The following BRI3BP variants were observed in gnomAD, a reference collection of about 807,000 sequenced individuals.
The protein encoded by BRI3BP is BRI3-binding protein.
BRI3BP carries 7 observed loss-of-function variants against 15.8 expected under a neutral mutation model. That is an observed-to-expected ratio of 0.44 (90% CI 0.25 to 0.83). The LOEUF is 0.83. Among genes scored for constraint, BRI3BP ranks in the 40% least tolerant of loss-of-function variants. The pLI, the probability that BRI3BP is intolerant of heterozygous loss-of-function variation, is 0.20. For synonymous variants in BRI3BP, 192 were observed against 163.5 expected, an observed-to-expected ratio of 1.17 and a Z score of -1.33; for missense variants, 320 against 339.3, an observed-to-expected ratio of 0.94 and a Z score of 0.45.
chr12:125,017,347 GT>G (rs1387835975), intron 2 of BRI3BP, among the ~76,000 whole-genome samples: 7 of 151,548 alleles, frequency 4.6e-5, no homozygotes, highest in African/African-American at 1.7e-4. Context: ...TAGAGATGGG[GT>G]TTTGCCATGT....
chr12:125,018,783 G>A (rs1335346157), intron 2 of BRI3BP, among the ~76,000 whole-genome samples: 3 of 151,456 alleles, frequency 2.0e-5, no homozygotes, highest in Non-Finnish European at 2.9e-5. Flanking sequence ...GAGTTCAAGC[G>A]ATTCTAGTAC....
rs1245866817 is a variant in BRI3BP at position 125,001,656 on chromosome 12, G to A, written c.213+7653G>A. The stretch of plus-strand genomic sequence containing the variant: ...CTCCCAAAGTGCTGGGATTATAGGC[G>A]TGAGCCACTTCGCCTGGCCCAGTAA... On this transcript the variant is annotated intron_variant, in intron 1 of 2. Coordinates refer to ENST00000341446, the MANE Select transcript of BRI3BP (RefSeq NM_080626.6). 5.3e-5 allele frequency among the ~76,000 whole-genome samples: 8 copies of A among 152,094 alleles called. No individual in the cohort carries two copies. The East Asian group carries it at 5.8e-4, about 11-fold the overall frequency.
At chr12:125,018,590 C>T (rs1040633584) in intron 2 of BRI3BP, among the ~76,000 whole-genome samples, 3 of 152,048 alleles carry the variant, frequency 2.0e-5, no homozygotes, top group Admixed American at 6.6e-5. Context: ...GATTCACCCT[C>T]GAGCCTCTGG....
intron 1 of BRI3BP, among the ~76,000 whole-genome samples, chr12:125,011,348 C>T (rs1447423791): frequency 6.6e-6 from 1 of 152,158 alleles, no homozygotes; most frequent in African/African-American, 2.4e-5. Context: ...GGCCAGTAGA[C>T]CACTTGGTGG....
the BRI3BP span, among the ~76,000 whole-genome samples, chr12:125,041,931 C>G: frequency 2.0e-5 from 3 of 152,096 alleles, no homozygotes; most frequent in Admixed American, 6.6e-5. Flanking sequence ...TGGGCTAAAG[C>G]GATCCTCCTG....
chr12:125,045,869 A>T, the BRI3BP span, among the ~76,000 whole-genome samples: 1 of 152,162 alleles, frequency 6.6e-6, no homozygotes, highest in Non-Finnish European at 1.5e-5. Flanking sequence ...ACCATCATTA[A>T]AAAGAGCTGA....
At chr12:124,997,284 C>T (rs140804567) in intron 1 of BRI3BP, among the ~76,000 whole-genome samples, 76 of 127,520 alleles carry the variant, frequency 6.0e-4, no homozygotes, top group African/African-American at 2.2e-3. Context: ...GGCGAGCTCT[C>T]GGCTTACTGC....
In BRI3BP at chr12:125,000,119, G is replaced by C. The variant is rs71458883; in HGVS notation, c.213+6116G>C. 6.3e-5 allele frequency among the ~76,000 whole-genome samples: 7 copies of C among 110,414 alleles called. No homozygotes were observed. The Admixed American group carries it at 8.5e-4, about 13-fold the overall frequency. The allele number at this position is 110,414 out of a possible 152,430, so 72.4% of individuals were successfully genotyped here. A position where few individuals can be genotyped will look rare whatever the true frequency, so the allele number is the denominator to read the frequency against. ...GGTTTGCATTTTTTGCTGTTTGCAAGAAAGTATTTTGAGCAAAATAACTTT... is the reference window on the plus strand; with the variant it reads ...GGTTTGCATTTTTTGCTGTTTGCAACAAAGTATTTTGAGCAAAATAACTTT... On this transcript the variant is annotated intron_variant, in intron 1 of 2. Transcript: ENST00000341446.
Position 125,025,969 on chromosome 12 carries a change from G to A in BRI3BP, c.*539G>A, listed in dbSNP as rs895910224. 6.6e-6 allele frequency: 1 copy of A among 152,346 alleles called. No homozygotes were observed. Among genetic ancestry groups the A allele is most frequent in the African/African-American group, 2.4e-5 (1 of 41,434 alleles). 9.4% of individuals were successfully genotyped at this position (152,346 alleles called of 1,614,324 possible). On this transcript the variant is annotated 3_prime_UTR_variant, in exon 3 of 3. Transcript: ENST00000341446. ...TTATTTCATGTTATTTTTGGTGGAT[G>A]TTGACTTAGTTCATGAATGTTGTCA...
At chr12:125,007,027 T>C (rs1241423466) in intron 1 of BRI3BP, among the ~76,000 whole-genome samples, 1 of 152,070 alleles carries the variant, frequency 6.6e-6, no homozygotes, top group Non-Finnish European at 1.5e-5. Context: ...GACAAAACCC[T>C]GTCTCTACTA....
chr12:125,002,223 C>A (rs117518055), intron 1 of BRI3BP, among the ~76,000 whole-genome samples: 55 of 152,212 alleles, frequency 3.6e-4, no homozygotes, highest in Non-Finnish European at 6.9e-4. Flanking sequence ...GCGGTGCATA[C>A]CTAGGAGTCC....
At chr12:125,016,974 C>T (rs1304006430) in intron 2 of BRI3BP, among the ~76,000 whole-genome samples, 1 of 150,560 alleles carries the variant, frequency 6.6e-6, no homozygotes, top group African/African-American at 2.4e-5. Context: ...TAGCTGGGAC[C>T]ACAAGTGTGC....
At chr12:125,017,022 A>T (rs6488975) in intron 2 of BRI3BP, among the ~76,000 whole-genome samples, 121,850 of 145,920 alleles carry the variant, frequency 0.84, 50,776 homozygotes, top group East Asian at 0.97. Flanking sequence ...TATTATTATT[A>T]TTTTTTTTTT....
intron 1 of BRI3BP, among the ~76,000 whole-genome samples, chr12:125,005,146 C>G (rs1955130453): frequency 6.6e-6 from 1 of 152,078 alleles, no homozygotes. Context: ...CAGCGCCCAG[C>G]CGGTCAGGGA....
intron 1 of BRI3BP, among the ~76,000 whole-genome samples, chr12:125,012,120 G>T (rs2135993566): frequency 6.6e-6 from 1 of 152,088 alleles, no homozygotes; most frequent in South Asian, 2.1e-4. Context: ...GGAGTTTGAG[G>T]GTGCAGTGAG....
chr12:125,015,331 G>A (rs892488787), intron 2 of BRI3BP, among the ~76,000 whole-genome samples: 5 of 151,902 alleles, frequency 3.3e-5, no homozygotes, highest in African/African-American at 1.2e-4. Context: ...GGGAGAAGAC[G>A]GCCATGCGAA....
intron 1 of BRI3BP, among the ~76,000 whole-genome samples, chr12:125,006,730 A>G (rs1467226479): frequency 6.6e-6 from 1 of 152,226 alleles, no homozygotes; most frequent in Non-Finnish European, 1.5e-5. Flanking sequence ...TTTCTCCCAC[A>G]GCAGAGAAAA....
At position 125,011,896 on chromosome 12, in the gene BRI3BP, G is replaced by A. The variant is rs1376226471; in HGVS notation, c.214-638G>A. Among the ~76,000 whole-genome samples the A allele has an allele frequency of 2.6e-5, 4 of 152,138 alleles. No homozygotes were observed. In the East Asian group the frequency reaches 5.8e-4, roughly 22 times the overall value. ...GCAGAAACTTCCACTCTTTAAAAAT[G>A]AGAAACCCGCAGGGTGCGGTGCAGT... On this transcript the variant is annotated intron_variant, in intron 1 of 2. Coordinates refer to ENST00000341446, the MANE Select transcript of BRI3BP (RefSeq NM_080626.6).
chr12:125,000,910 A>T lies in BRI3BP; in HGVS notation c.213+6907A>T, dbSNP rs147423402. ...AATATAGTACAGTATTTTGTAACAG[A>T]TAGTCCATATTCAAATTGTCTTTAT... On this transcript the variant is annotated intron_variant, in intron 1 of 2. Transcript: ENST00000341446. 2.1e-4 allele frequency among the ~76,000 whole-genome samples: 32 copies of T among 152,292 alleles called. 1 individual carries two copies. The East Asian group carries it at 6.0e-3, about 28-fold the overall frequency.
Sources: gnomAD v4.1 joint callset for allele counts (sites outside exome capture counted in the v4.1 genomes callset) on GRCh38, gnomAD v4.1.1 for gene constraint, MANE v1.5 for transcripts, NCBI Gene and HGNC (gene_info 2026-07-23, HGNC 2026-07-21) for gene names.